SLC8A1: variants seen among roughly 807,000 people sequenced by gnomAD.
SLC8A1 encodes sodium/calcium exchanger 1.
A neutral mutation model predicts 68.3 loss-of-function variants in SLC8A1; 18 were observed. The ratio of observed to expected loss-of-function variants is 0.26; its 90% confidence interval spans 0.18 to 0.39. The LOEUF (loss-of-function observed/expected upper bound fraction) is 0.39. Among genes scored for constraint, SLC8A1 ranks in the 10% least tolerant of loss-of-function variants. The pLI, the probability that SLC8A1 is intolerant of heterozygous loss-of-function variation, is 1.00. For synonymous variants in SLC8A1, 475 were observed against 415.5 expected, an observed-to-expected ratio of 1.14 and a Z score of -1.74; for missense variants, 985 against 1,156.7, an observed-to-expected ratio of 0.85 and a Z score of 2.15.
At chr2:40,367,457 T>C (rs1676618388) in intron 2 of SLC8A1, among the ~76,000 whole-genome samples, 1 of 152,052 alleles carries the variant, frequency 6.6e-6, no homozygotes, top group South Asian at 2.1e-4. Flanking sequence ...GAGTTACCTA[T>C]ATTTGTTCCT....
At chr2:40,200,186 ATATATTTAT>A (rs1558720681) in intron 2 of SLC8A1, among the ~76,000 whole-genome samples, 5 of 23,120 alleles carry the variant, frequency 2.2e-4, no homozygotes, top group African/African-American at 3.0e-4. Flanking sequence ...ATATATATAT[ATATATTTAT>A]ATATATATAT....
intron 3 of SLC8A1, 81 bp downstream of exon 4, chr2:40,175,180 C>T: frequency 7.3e-7 from 1 of 1,376,202 alleles, no homozygotes; most frequent in Non-Finnish European, 1.0e-6. Flanking sequence ...AAATAAAAGT[C>T]ACAGAGCTAC....
chr2:40,298,054 G>C (rs560914531), intron 2 of SLC8A1, among the ~76,000 whole-genome samples: 1 of 151,902 alleles, frequency 6.6e-6, no homozygotes, highest in East Asian at 1.9e-4. Flanking sequence ...AATTTTTTTT[G>C]TGATTTTAGT....
chr2:40,472,524 T>A (rs1006851831), intron 1 of SLC8A1, among the ~76,000 whole-genome samples: 1 of 152,196 alleles, frequency 6.6e-6, no homozygotes, highest in Non-Finnish European at 1.5e-5. Flanking sequence ...ATGTAAGATC[T>A]TTGGTTAAAA....
At chr2:40,482,789 CTTT>C (rs34808025) in intron 1 of SLC8A1, among the ~76,000 whole-genome samples, 6 of 131,834 alleles carry the variant, frequency 4.6e-5, no homozygotes, top group Non-Finnish European at 8.0e-5. Flanking sequence ...ACAGTTAGCA[CTTT>C]TTTTTTTTTT....
rs913592587 is a variant in SLC8A1, at chr2:40,133,704, C to G, written c.2437+5697G>C. On this transcript the variant is annotated intron_variant, in intron 7 of 7. Coordinates refer to ENST00000406785, the Ensembl canonical transcript of SLC8A1. ...GCAAGACTTAATGGGGCAAAAATCC[C>G]CCCCCCCCACCGACTCATCAGTATC... is the stretch of plus-strand genomic sequence containing the variant. 7.2e-4 allele frequency among the ~76,000 whole-genome samples: 41 copies of G among 57,226 alleles called. 2 individuals are homozygous for G. The East Asian group carries it at 0.031, about 43-fold the overall frequency. 37.5% of individuals were successfully genotyped at this position (57,226 alleles called of 152,430 possible).
intron 2 of SLC8A1, among the ~76,000 whole-genome samples, chr2:40,307,172 A>ACAC: frequency 1.1e-5 from 1 of 94,616 alleles, no homozygotes; most frequent in South Asian, 3.4e-4. Context: ...CACACACACA[A>ACAC]ACACATACAC....
Position 40,387,981 on chromosome 2 carries a change from C to G in SLC8A1, c.1808+40492G>C, listed in dbSNP as rs1684122987. Among the ~76,000 whole-genome samples, 6 of 149,052 alleles carry G rather than the reference C, an allele frequency of 4.0e-5. No homozygotes were observed. The South Asian group carries it at 1.3e-3, about 32-fold the overall frequency. ...AAAAGAATTAGTTGAGACTGATGGG[C>G]TACTAAGGAAATCTCTCATACCAGT... is the stretch of plus-strand genomic sequence containing the variant. On this transcript the variant is annotated intron_variant, in intron 2 of 7. Transcript: ENST00000406785.
At chr2:40,287,310 T>C (rs1451255913) in intron 2 of SLC8A1, among the ~76,000 whole-genome samples, 1 of 152,126 alleles carries the variant, frequency 6.6e-6, no homozygotes, top group Non-Finnish European at 1.5e-5. Flanking sequence ...GGTTGAGATG[T>C]CAGTGAATCA....
At chr2:40,281,502 AG>A (rs1466253065) in intron 2 of SLC8A1, among the ~76,000 whole-genome samples, 1 of 152,206 alleles carries the variant, frequency 6.6e-6, no homozygotes, top group Non-Finnish European at 1.5e-5. Context: ...TAAATCAGCC[AG>A]GGCTTGTGAG....
At chr2:40,239,251 A>G (rs1302337752) in intron 2 of SLC8A1, among the ~76,000 whole-genome samples, 1 of 152,180 alleles carries the variant, frequency 6.6e-6, no homozygotes, top group Non-Finnish European at 1.5e-5. Flanking sequence ...TTTAGTGTCT[A>G]TCTTTAATAT....
intron 2 of SLC8A1, among the ~76,000 whole-genome samples, chr2:40,298,517 C>A (rs1029130577): frequency 6.6e-6 from 1 of 152,266 alleles, no homozygotes; most frequent in African/African-American, 2.4e-5. Context: ...GGGGAGTACT[C>A]ATTTCAGGAA....
chr2:40,242,106 C>T (rs755271459), intron 2 of SLC8A1, among the ~76,000 whole-genome samples: 10 of 151,742 alleles, frequency 6.6e-5, no homozygotes, highest in South Asian at 2.1e-4. Context: ...AAAGTGGTAA[C>T]GCCTTACAAT....
intron 2 of SLC8A1, among the ~76,000 whole-genome samples, chr2:40,318,511 A>G (rs928750585): frequency 1.3e-5 from 2 of 151,806 alleles, no homozygotes; most frequent in Admixed American, 6.6e-5. Context: ...AAAAAACTTT[A>G]TAACATTTCC....
chr2:40,321,892 A>T (rs2075244416), intron 2 of SLC8A1, among the ~76,000 whole-genome samples: 1 of 152,104 alleles, frequency 6.6e-6, no homozygotes, highest in Admixed American at 6.6e-5. Flanking sequence ...AGTATTTTCC[A>T]CTCATTTAAT....
chr2:40,242,249 A>G (rs942188409), intron 2 of SLC8A1, among the ~76,000 whole-genome samples: 1 of 152,222 alleles, frequency 6.6e-6, no homozygotes, highest in African/African-American at 2.4e-5. Context: ...GACTGAAAAC[A>G]TCAAAGATGT....
At chr2:40,499,532 C>T (rs1705917870) in intron 1 of SLC8A1, among the ~76,000 whole-genome samples, 1 of 152,028 alleles carries the variant, frequency 6.6e-6, no homozygotes, top group Non-Finnish European at 1.5e-5. Flanking sequence ...CTTCAAGAAG[C>T]TTTTAAAAAA....
intron 2 of SLC8A1, among the ~76,000 whole-genome samples, chr2:40,383,648 T>G: frequency 6.6e-6 from 1 of 152,098 alleles, no homozygotes; most frequent in South Asian, 2.1e-4. Context: ...TCACACCAAC[T>G]AATTAAGTAA....
chr2:40,100,119 C>T (rs1192869939), exon 8 of SLC8A1: 2 of 152,054 alleles, frequency 1.3e-5, no homozygotes, highest in Non-Finnish European at 2.9e-5. Flanking sequence ...CGAAAACCAC[C>T]ACAAAGGACA....
Sources: gnomAD v4.1 joint callset for allele counts (sites outside exome capture counted in the v4.1 genomes callset) on GRCh38, gnomAD v4.1.1 for gene constraint, MANE v1.5 for transcripts, NCBI Gene and HGNC (gene_info 2026-07-23, HGNC 2026-07-21) for gene names.